Variants in ARHGEF12 observed in about 807,000 individuals in gnomAD.
The protein encoded by ARHGEF12 is Rho guanine nucleotide exchange factor 12.
In ARHGEF12, 66 loss-of-function variants were observed where a neutral mutation model predicts 211.2. The ratio of observed to expected loss-of-function variants is 0.31; its 90% CI spans 0.26 to 0.38. ARHGEF12 has a LOEUF of 0.38. Ranked by LOEUF, ARHGEF12 falls within the 10% of genes least tolerant of loss-of-function variation. ARHGEF12 has a pLI of 1.00. For missense variants in ARHGEF12, 1,429 were observed against 1,869.5 expected (o/e 0.76, Z 4.34); for synonymous variants, 592 against 638.4 (o/e 0.93, Z 1.09).
In ARHGEF12 at chr11:120,485,891, G is replaced by A. The variant is rs1947384630; in HGVS notation, c.*814G>A. 4.3e-6 allele frequency: 1 copy of A among 233,098 alleles called. No homozygotes were observed. The highest frequency in any genetic ancestry group is 5.6e-5 in the Admixed American group (1 of 17,772). 14.4% of individuals were successfully genotyped at this position (233,098 alleles called of 1,614,324 possible). ...TCCATTGTCGTCTTTTCTATTGAGG[G>A]TTGGGATTTGGGTGGGAGAGGAAAG... is the stretch of plus-strand genomic sequence containing the variant. On this transcript the variant is annotated 3_prime_UTR_variant, in exon 41 of 41. Transcript: ENST00000397843.
At chr11:120,368,536 A>G (rs1591508986) in intron 1 of ARHGEF12, among the ~76,000 whole-genome samples, 1 of 152,270 alleles carries the variant, frequency 6.6e-6, no homozygotes, top group South Asian at 2.1e-4. Flanking sequence ...CTTAATCCTG[A>G]CAGCATTCCT....
At chr11:120,362,185 T>C (rs975348985) in intron 1 of ARHGEF12, among the ~76,000 whole-genome samples, 1 of 152,196 alleles carries the variant, frequency 6.6e-6, no homozygotes, top group Admixed American at 6.5e-5. Context: ...AGATGGATGG[T>C]CATTTAGAAA....
intron 26 of ARHGEF12, among the ~76,000 whole-genome samples, chr11:120,459,917 AG>A (rs1341483441): frequency 6.6e-6 from 1 of 152,204 alleles, no homozygotes; most frequent in Non-Finnish European, 1.5e-5. Context: ...CATGTTGGCC[AG>A]GCTGGTCTCA....
In ARHGEF12 at chr11:120,478,262, A is replaced by T. The variant is rs1947117048; in HGVS notation, c.3639A>T (p.Arg1213Ser). 1.9e-6 allele frequency: 3 copies of T among 1,614,180 alleles called. No individual in the cohort carries two copies. In the South Asian group the frequency reaches 3.3e-5, roughly 18 times the overall value. Reference protein sequence around the residue: ...SEVRDLFVAERQFAKEQHTDG... With the variant: ...SEVRDLFVAESQFAKEQHTDG... ...TACGTGATCTGTTTGTGGCTGAGAG[A>T]CAGTTTGCAAAGGAACAACATACAG... Residue 1213 changes from arginine to serine, a missense_variant, in exon 37 of 41, where the codon AGA (arginine) becomes AGT (serine). By Grantham distance (110) the Arg-to-Ser change is moderately radical (BLOSUM62 -1). This residue lies in a region of ARHGEF12 where 467 missense variants were observed against 468.4 expected (regional missense o/e 1.00). Transcript: ENST00000397843.
intron 11 of ARHGEF12, among the ~76,000 whole-genome samples, chr11:120,433,509 C>T (rs1945606679): frequency 6.6e-6 from 1 of 152,170 alleles, no homozygotes; most frequent in Admixed American, 6.5e-5. Flanking sequence ...TCCTTGAGAG[C>T]AGAGGGACTG....
chr11:120,422,781 A>G (rs6589813), intron 6 of ARHGEF12, among the ~76,000 whole-genome samples: 59,951 of 152,020 alleles, frequency 0.39, 12,050 homozygotes, highest in African/African-American at 0.43. Flanking sequence ...AAAACATGTT[A>G]TATGTATGTG....
At chr11:120,383,166 G>A (rs974551595) in intron 1 of ARHGEF12, among the ~76,000 whole-genome samples, 8 of 151,986 alleles carry the variant, frequency 5.3e-5, no homozygotes, top group Non-Finnish European at 8.8e-5. Flanking sequence ...AGTGTCTTTG[G>A]GGGAGAGCCA....
chr11:120,347,266 CTGTCTGTGTGTGTGTGTGTG>C (rs1461057093), intron 1 of ARHGEF12, among the ~76,000 whole-genome samples: 6 of 133,502 alleles, frequency 4.5e-5, no homozygotes, highest in Non-Finnish European at 9.4e-5. Context: ...CTCTCTCTCT[CTGTCTGTGTGTGTGTGTGTG>C]TGTGTGTGTG....
At chr11:120,347,899 T>A (rs895605126) in intron 1 of ARHGEF12, among the ~76,000 whole-genome samples, 1 of 152,186 alleles carries the variant, frequency 6.6e-6, no homozygotes, top group African/African-American at 2.4e-5. Context: ...GACAATGAGG[T>A]GGCAGAAGAG....
chr11:120,346,047 TA>T (rs555040611), intron 1 of ARHGEF12, among the ~76,000 whole-genome samples: 1 of 151,940 alleles, frequency 6.6e-6, no homozygotes, highest in South Asian at 2.1e-4. Context: ...TAAAATGGTA[TA>T]AAAAAAAGTA....
At chr11:120,373,877 G>A (rs768831316) in intron 1 of ARHGEF12, among the ~76,000 whole-genome samples, 12 of 152,122 alleles carry the variant, frequency 7.9e-5, no homozygotes, top group African/African-American at 1.4e-4. Flanking sequence ...GCGCGATCTC[G>A]GCTCACCACA....
In ARHGEF12 at chr11:120,480,310, G is replaced by A. The variant is rs576306121; in HGVS notation, c.4117G>A (p.Gly1373Ser). The A allele has an allele frequency of 7.4e-6, 12 of 1,614,118 alleles. No homozygotes were observed. The African/African-American group carries it at 1.2e-4, about 16-fold the overall frequency. ...PEMPTMEPEG[G>S]LDDSGEHFFD... ...GATGCCTACCATGGAGCCAGAAGGGGGTCTTGATGACAGTGGAGAGCACTT... is the reference window on the plus strand; with the variant it reads ...GATGCCTACCATGGAGCCAGAAGGGAGTCTTGATGACAGTGGAGAGCACTT... Residue 1373 changes from glycine to serine, a missense_variant, in exon 38 of 41, where the codon GGT becomes AGT. Around this residue, in one of 7 missense-constraint regions of ARHGEF12, gnomAD observed 467 missense variants for 468.4 expected, o/e 1.00. Transcript: ENST00000397843.
chr11:120,456,933 G>T (rs2135880873), intron 22 of ARHGEF12, 185 bp from the exon 23 acceptor site: 1 of 541,632 alleles, frequency 1.8e-6, no homozygotes, highest in East Asian at 3.2e-5. Flanking sequence ...GAGATGGGAG[G>T]ATCATGTGAG....
chr11:120,434,257 G>C (rs1316248250), intron 11 of ARHGEF12, among the ~76,000 whole-genome samples: 1 of 152,136 alleles, frequency 6.6e-6, no homozygotes, highest in Non-Finnish European at 1.5e-5. Context: ...TTGTGCCAGA[G>C]GTTGTACCCA....
At chr11:120,381,688 CTT>C (rs1377681559) in intron 1 of ARHGEF12, among the ~76,000 whole-genome samples, 1 of 152,162 alleles carries the variant, frequency 6.6e-6, no homozygotes, top group East Asian at 1.9e-4. Context: ...GAAGTTCACT[CTT>C]TGTACTGTGC....
chr11:120,379,245 A>T (rs1943812597), intron 1 of ARHGEF12, among the ~76,000 whole-genome samples: 1 of 151,984 alleles, frequency 6.6e-6, no homozygotes, highest in Non-Finnish European at 1.5e-5. Context: ...TAATATATAG[A>T]AATACAATTG....
chr11:120,420,543 C>T (rs1428500457), intron 4 of ARHGEF12, among the ~76,000 whole-genome samples: 2 of 152,064 alleles, frequency 1.3e-5, no homozygotes, highest in Non-Finnish European at 2.9e-5. Context: ...TATTATACTC[C>T]GCCAGTGAGA....
chr11:120,389,919 A>G (rs1228038998), intron 1 of ARHGEF12, among the ~76,000 whole-genome samples: 2 of 152,044 alleles, frequency 1.3e-5, no homozygotes, highest in Admixed American at 6.5e-5. Context: ...TTCTTTATCC[A>G]TTTGTTTGTT....
chr11:120,339,444 CCTTTTTTCGTAGTGTCTAACTCTTA>C (rs1322941402), intron 1 of ARHGEF12, among the ~76,000 whole-genome samples: 22 of 152,176 alleles, frequency 1.4e-4, no homozygotes, highest in African/African-American at 5.1e-4. Context: ...CCTACCTCAT[CCTTTTTTCGTAGTGTCTAACTCTTA>C]CTGTAGGTAT....
Sources: allele counts gnomAD v4.1 joint callset (sites outside exome capture counted in the v4.1 genomes callset), GRCh38; gene constraint gnomAD v4.1.1; regional missense constraint gnomAD v4.1.1; transcripts MANE v1.5; gene names NCBI Gene and HGNC (gene_info 2026-07-23, HGNC 2026-07-21).